RBM6: variants seen among roughly 807,000 people sequenced by gnomAD.
The protein encoded by RBM6 is RNA-binding protein 6.
In RBM6, 23 loss-of-function variants were observed where a neutral mutation model predicts 140.4. The observed-to-expected ratio is 0.16, with a 90% CI of 0.12 to 0.23. The LOEUF is 0.23. RBM6 is among the 10% of genes least tolerant of loss of function. The pLI is 1.00. For missense variants in RBM6, 1,139 were observed against 1,386.7 expected, an observed-to-expected ratio of 0.82 and a Z score of 2.84; for synonymous variants, 439 against 475.6, an observed-to-expected ratio of 0.92 and a Z score of 1.00.
chr3:50,000,540 C>T (rs1047323068), intron 6 of RBM6, among the ~76,000 whole-genome samples: 1 of 151,712 alleles, frequency 6.6e-6, no homozygotes, highest in Non-Finnish European at 1.5e-5. Flanking sequence ...CCTGTCTCAG[C>T]CCCCTGAGTA....
chr3:49,967,119 C>T lies in RBM6; in HGVS notation c.45-351C>T, dbSNP rs1433489111. On this transcript the variant is annotated intron_variant, in intron 2 of 20. Transcript: ENST00000266022. The surrounding 1 kb of genome is among the most constrained non-coding windows in gnomAD (Gnocchi z 4.0). ...GTTGACCTTGGAATTCTTAAGTTCC[C>T]TGGCTGTAGGAAATGGAAATTTTTG... 3 of 645,198 alleles carry T rather than the reference C, an allele frequency of 4.6e-6. No individual in the cohort carries two copies. The highest frequency in any genetic ancestry group is 1.8e-4 in the East Asian group (2 of 11,284). The allele number at this position is 645,198 out of a possible 1,614,324, so 40.0% of individuals were successfully genotyped here.
intron 5 of RBM6, among the ~76,000 whole-genome samples, chr3:49,994,044 G>T (rs755118158): frequency 6.6e-6 from 1 of 152,070 alleles, no homozygotes; most frequent in Non-Finnish European, 1.5e-5. Flanking sequence ...CCTAATTTTC[G>T]TAATTCGAGT....
chr3:50,042,758 A>G (rs1008075726), intron 6 of RBM6, among the ~76,000 whole-genome samples: 1 of 152,074 alleles, frequency 6.6e-6, no homozygotes, highest in Non-Finnish European at 1.5e-5. Context: ...TTTTTTAAAA[A>G]AAAAAGACTA....
At chr3:50,032,648 A>G (rs2088244687) in intron 6 of RBM6, among the ~76,000 whole-genome samples, 6 of 152,024 alleles carry the variant, frequency 3.9e-5, no homozygotes, top group Admixed American at 3.9e-4. Flanking sequence ...ATTTTAAAAA[A>G]TACTAAATAT....
chr3:49,962,465 C>T, intron 1 of RBM6, 111 bp from the exon 2 acceptor site: 3 of 603,034 alleles, frequency 5.0e-6, no homozygotes, highest in Non-Finnish European at 8.7e-6. Context: ...AAAGAAAGAC[C>T]TTCAAAATTA....
chr3:50,039,252 AT>A (rs1160688026), intron 6 of RBM6, among the ~76,000 whole-genome samples: 2 of 151,954 alleles, frequency 1.3e-5, no homozygotes, highest in African/African-American at 2.4e-5. Context: ...TTATTTATTT[AT>A]TTTGAGATGG....
intron 5 of RBM6, among the ~76,000 whole-genome samples, chr3:49,992,056 A>G (rs1016794659): frequency 1.3e-5 from 2 of 152,118 alleles, no homozygotes; most frequent in Non-Finnish European, 2.9e-5. Context: ...GGCTCAAGCA[A>G]TCCTTCCGTT....
intron 5 of RBM6, among the ~76,000 whole-genome samples, chr3:49,999,077 C>T (rs1334409285): frequency 5.9e-5 from 8 of 136,538 alleles, no homozygotes; most frequent in Middle Eastern, 3.6e-3. Context: ...TTGCTCTTGT[C>T]GACTTTGTTT....
rs534143331 is a variant in RBM6, at chr3:50,018,661, G to A, written c.1557+19148G>A. Among the ~76,000 whole-genome samples, 72 of 131,084 alleles carry A rather than the reference G, an allele frequency of 5.5e-4. No homozygotes were observed. The Middle Eastern group carries it at 0.015, about 28-fold the overall frequency. 86.0% of individuals were successfully genotyped at this position (131,084 alleles called of 152,430 possible). ...AGCTGGAGTGCAGTGGTGCGATCTC[G>A]GTTCATTGCAACCTCTGCCTCCCAG... is the stretch of plus-strand genomic sequence containing the variant. On this transcript the variant is annotated intron_variant, in intron 6 of 20. Coordinates refer to ENST00000266022, the MANE Select transcript of RBM6 (RefSeq NM_005777.3).
At chr3:49,980,925 C>T (rs985940525) in intron 5 of RBM6, among the ~76,000 whole-genome samples, 2 of 151,492 alleles carry the variant, frequency 1.3e-5, no homozygotes, top group Admixed American at 1.3e-4. Context: ...TTTTTTGAGA[C>T]GGAGTCTTGC....
At chr3:49,985,668 G>T (rs1321083276) in intron 5 of RBM6, among the ~76,000 whole-genome samples, 1 of 149,448 alleles carries the variant, frequency 6.7e-6, no homozygotes, top group Non-Finnish European at 1.5e-5. Context: ...GTGCAGTGGC[G>T]TGATCTCAGC....
At chr3:49,961,584 A>G (rs1575556470) in intron 1 of RBM6, among the ~76,000 whole-genome samples, 6 of 149,634 alleles carry the variant, frequency 4.0e-5, no homozygotes, top group Admixed American at 3.3e-4. Context: ...GTGGATCACA[A>G]TGTTAGGAGT....
chr3:49,985,986 A>AATT (rs1034994311), intron 5 of RBM6, among the ~76,000 whole-genome samples: 1 of 145,932 alleles, frequency 6.9e-6, no homozygotes, highest in African/African-American at 2.5e-5. Context: ...CATTTTTAAA[A>AATT]ATTATTATTA....
chr3:50,070,362 AAAT>A (rs1327812466), intron 18 of RBM6, 90 bp from the exon 19 acceptor site: 7 of 943,024 alleles, frequency 7.4e-6, no homozygotes, highest in South Asian at 2.7e-5. Flanking sequence ...CTCAAGAAAA[AAAT>A]AATAATAATA....
chr3:49,944,590 C>T (rs2083408844), intron 1 of RBM6, among the ~76,000 whole-genome samples: 1 of 151,448 alleles, frequency 6.6e-6, no homozygotes, highest in Admixed American at 6.6e-5. Context: ...ATTCTCCTGC[C>T]TCAGCCTCCC....
At chr3:50,071,642 A>G (rs2090300888) in intron 19 of RBM6, among the ~76,000 whole-genome samples, 1 of 152,134 alleles carries the variant, frequency 6.6e-6, no homozygotes, top group Admixed American at 6.6e-5. Context: ...CTCTATTTAA[A>G]AAAAGAAAAG....
intron 1 of RBM6, among the ~76,000 whole-genome samples, chr3:49,948,848 T>G (rs1284816467): frequency 1.3e-4 from 14 of 110,996 alleles, no homozygotes; most frequent in Admixed American, 6.2e-4. Flanking sequence ...TTTTTTTTTT[T>G]GGGATGGTGT....
chr3:49,961,528 C>T (rs1447412945), intron 1 of RBM6, among the ~76,000 whole-genome samples: 5 of 144,674 alleles, frequency 3.5e-5, no homozygotes, highest in South Asian at 2.6e-4. Flanking sequence ...TGGCCGGGCA[C>T]GGTGGCTCAC....
intron 1 of RBM6, among the ~76,000 whole-genome samples, chr3:49,953,201 G>A (rs1456916061): frequency 6.6e-6 from 1 of 150,988 alleles, no homozygotes; most frequent in East Asian, 1.9e-4. Context: ...GACCTTAGGG[G>A]CGTGCCATCA....
Sources: allele counts gnomAD v4.1 joint callset (sites outside exome capture counted in the v4.1 genomes callset), GRCh38; gene constraint gnomAD v4.1.1; non-coding constraint Gnocchi (gnomAD v3.1); transcripts MANE v1.5; gene names NCBI Gene and HGNC (gene_info 2026-07-23, HGNC 2026-07-21).